TSPAN7: variants seen among roughly 807,000 people sequenced by gnomAD.
TSPAN7 encodes the protein tetraspanin-7.
Under a neutral mutation model 17.6 loss-of-function variants are expected in TSPAN7, and 1 was observed. The ratio of observed to expected loss-of-function variants is 0.06; its 90% CI spans 0.02 to 0.27. The LOEUF is 0.27. Ranked by LOEUF, TSPAN7 falls within the 10% of genes least tolerant of loss-of-function variation. The pLI is 1.00. For synonymous variants in TSPAN7, 78 were observed against 79.0 expected, an observed-to-expected ratio of 0.99 and a Z score of 0.07; for missense variants, 112 against 201.7, an observed-to-expected ratio of 0.56 and a Z score of 2.69.
intron 6 of TSPAN7, among the ~76,000 whole-genome samples, chrX:38,685,947 C>T (rs937444100): frequency 1.8e-5 from 2 of 112,013 alleles, no homozygotes; most frequent in Non-Finnish European, 3.8e-5. Flanking sequence ...ACCTCTGACA[C>T]TTATTTGATT....
intron 1 of TSPAN7, among the ~76,000 whole-genome samples, chrX:38,642,564 C>T (rs760059535): frequency 8.9e-6 from 1 of 112,099 alleles, no homozygotes; most frequent in Middle Eastern, 4.7e-3. Flanking sequence ...GCCGCAAAAT[C>T]CAGAGGATGA....
chrX:38,595,557 A>T (rs1377266834), intron 1 of TSPAN7, among the ~76,000 whole-genome samples: 1 of 112,109 alleles, frequency 8.9e-6, no homozygotes, highest in Non-Finnish European at 1.9e-5. Context: ...TAGTGAGAAG[A>T]AGTCAAATGA....
intron 1 of TSPAN7, among the ~76,000 whole-genome samples, chrX:38,595,390 TTTAA>T (rs1217537815): frequency 1.8e-5 from 2 of 112,302 alleles, no homozygotes; most frequent in African/African-American, 6.5e-5. Context: ...CTGCTCTTTC[TTTAA>T]TCATTTCTTT....
chrX:38,651,141 G>T (rs1413891434), intron 1 of TSPAN7, among the ~76,000 whole-genome samples: 1 of 109,636 alleles, frequency 9.1e-6, no homozygotes, highest in African/African-American at 3.3e-5. Flanking sequence ...TGCAGATAAG[G>T]TGTACCCAAA....
At chrX:38,643,672 CAA>C (rs34238064) in intron 1 of TSPAN7, among the ~76,000 whole-genome samples, 803 of 56,043 alleles carry the variant, frequency 0.014, 13 homozygotes, top group African/African-American at 0.038. Flanking sequence ...CCGTCTCTAC[CAA>C]AAAAAAAAAA....
chrX:38,648,377 C>A (rs187828967), intron 1 of TSPAN7, among the ~76,000 whole-genome samples: 2 of 112,281 alleles, frequency 1.8e-5, no homozygotes, highest in East Asian at 5.6e-4. Flanking sequence ...TGTGTCCCCT[C>A]CTATTATTCC....
At chrX:38,612,149 AG>A (rs968303596) in intron 1 of TSPAN7, among the ~76,000 whole-genome samples, 1 of 111,577 alleles carries the variant, frequency 9.0e-6, no homozygotes, top group African/African-American at 3.3e-5. Context: ...TAAAGCCTTG[AG>A]TGAATCTGAG....
At chrX:38,662,869 A>G (rs1346285852) in intron 1 of TSPAN7, among the ~76,000 whole-genome samples, 2 of 109,982 alleles carry the variant, frequency 1.8e-5, no homozygotes, top group Non-Finnish European at 3.8e-5. Flanking sequence ...TTTCCACGTT[A>G]TTGAGAGGAA....
intron 1 of TSPAN7, chrX:38,612,437 A>G (rs17145079): frequency 0.039 from 4,403 of 111,726 alleles, 194 homozygotes; most frequent in African/African-American, 0.13. Flanking sequence ...CATTGTTTTC[A>G]GGTTTAACGG....
At chrX:38,644,970 AC>A (rs1237788743) in intron 1 of TSPAN7, among the ~76,000 whole-genome samples, 2 of 111,983 alleles carry the variant, frequency 1.8e-5, no homozygotes, top group African/African-American at 6.5e-5. Context: ...ACCCAGGAAG[AC>A]AACCCCTAAG....
At chrX:38,592,994 T>A (rs1288784123) in intron 1 of TSPAN7, among the ~76,000 whole-genome samples, 1 of 110,944 alleles carries the variant, frequency 9.0e-6, no homozygotes, top group Non-Finnish European at 1.9e-5. Context: ...TCTGAAAAAA[T>A]CTTTACCTTT....
chrX:38,619,665 T>C (rs1443251226), intron 1 of TSPAN7, among the ~76,000 whole-genome samples: 1 of 111,856 alleles, frequency 8.9e-6, no homozygotes, highest in Non-Finnish European at 1.9e-5. Flanking sequence ...ATCTACAGTA[T>C]TGACATTCTC....
intron 1 of TSPAN7, among the ~76,000 whole-genome samples, chrX:38,627,695 C>A (rs969773463): frequency 8.9e-6 from 1 of 112,102 alleles, no homozygotes; most frequent in Non-Finnish European, 1.9e-5. Context: ...TGACTCAAAC[C>A]CTATGGTTTA....
chrX:38,624,744 T>A (rs2069511450), intron 1 of TSPAN7, among the ~76,000 whole-genome samples: 1 of 112,842 alleles, frequency 8.9e-6, no homozygotes, highest in Non-Finnish European at 1.9e-5. Context: ...GAATATTCCT[T>A]CCTCTAAAGT....
At chrX:38,604,656 C>T (rs182654040) in intron 1 of TSPAN7, among the ~76,000 whole-genome samples, 62 of 111,213 alleles carry the variant, frequency 5.6e-4, no homozygotes, top group Admixed American at 4.7e-3. Flanking sequence ...TTTTTGGCTG[C>T]GTAAATGGAT....
intron 1 of TSPAN7, among the ~76,000 whole-genome samples, chrX:38,606,171 G>A (rs1335215996): frequency 2.8e-5 from 3 of 108,273 alleles, no homozygotes; most frequent in Non-Finnish European, 5.8e-5. Context: ...ATCTGACAAA[G>A]GGCTAATATC....
intron 1 of TSPAN7, among the ~76,000 whole-genome samples, chrX:38,607,023 T>A (rs943692094): frequency 2.7e-5 from 3 of 111,663 alleles, no homozygotes; most frequent in African/African-American, 9.8e-5. Context: ...TTCTTTTACA[T>A]TAATATATAG....
At chrX:38,652,731 C>G (rs898930207) in intron 1 of TSPAN7, among the ~76,000 whole-genome samples, 5 of 112,390 alleles carry the variant, frequency 4.4e-5, no homozygotes, top group African/African-American at 1.6e-4. Flanking sequence ...GGGAAAAGGC[C>G]AGTGCCCCCA....
At chrX:38,626,104 A>C (rs780775780) in intron 1 of TSPAN7, among the ~76,000 whole-genome samples, 2 of 112,377 alleles carry the variant, frequency 1.8e-5, no homozygotes, top group South Asian at 7.4e-4. Flanking sequence ...ATGATTGAAA[A>C]ATAAATATAG....
Sources: allele counts gnomAD v4.1 joint callset (sites outside exome capture counted in the v4.1 genomes callset), GRCh38; gene constraint gnomAD v4.1.1; transcripts MANE v1.5; gene names NCBI Gene and HGNC (gene_info 2026-07-23, HGNC 2026-07-21).